PBX3: variants seen among roughly 807,000 people sequenced by gnomAD.
The protein encoded by PBX3 is PBX homeobox 3.
Under a neutral mutation model 48.5 loss-of-function variants are expected in PBX3, and 14 were observed. The observed-to-expected ratio is 0.29, with a 90% CI of 0.19 to 0.45. PBX3 has a LOEUF of 0.45. PBX3 is among the 20% of genes least tolerant of loss of function. PBX3 has a pLI of 1.00. For synonymous variants in PBX3, 210 were observed against 200.3 expected, an observed-to-expected ratio of 1.05 and a Z score of -0.41; for missense variants, 386 against 546.7, an observed-to-expected ratio of 0.71 and a Z score of 2.93.
intron 2 of PBX3, among the ~76,000 whole-genome samples, chr9:125,815,987 C>A (rs944204465): frequency 6.6e-6 from 1 of 151,524 alleles, no homozygotes; most frequent in Non-Finnish European, 1.5e-5. Flanking sequence ...TTTCTCTCTG[C>A]CTCCCTCCGT....
At chr9:125,830,357 T>C (rs2132188382) in intron 2 of PBX3, among the ~76,000 whole-genome samples, 1 of 152,274 alleles carries the variant, frequency 6.6e-6, no homozygotes, top group South Asian at 2.1e-4. Flanking sequence ...TAGCACTGTG[T>C]CAGTTAAATT....
At chr9:125,940,675 A>G (rs1841941838) in intron 5 of PBX3, among the ~76,000 whole-genome samples, 1 of 152,252 alleles carries the variant, frequency 6.6e-6, no homozygotes, top group Admixed American at 6.5e-5. Context: ...ATGAGAATGA[A>G]TGAACTATAA....
intron 2 of PBX3, among the ~76,000 whole-genome samples, chr9:125,878,274 G>A (rs538338789): frequency 6.6e-6 from 1 of 152,196 alleles, no homozygotes; most frequent in Non-Finnish European, 1.5e-5. Flanking sequence ...AGCTTGGAGG[G>A]GGGTAAGAGG....
intron 2 of PBX3, among the ~76,000 whole-genome samples, chr9:125,909,789 T>TCCTGC: frequency 6.6e-6 from 1 of 152,238 alleles, no homozygotes; most frequent in Admixed American, 6.5e-5. Context: ...AATAACTCGG[T>TCCTGC]CCTGCCCAGG....
Position 125,849,410 on chromosome 9 carries a change from CAGA to C in PBX3, c.275-66270_275-66268del, listed in dbSNP as rs1839517016. On this transcript the variant is annotated intron_variant, in intron 2 of 8. Transcript: ENST00000373489. ...ATAATGTAGGAGTCAGTTTGTTAGGCAGAAGAAGGTCATGTTAATGTTCCAAAG... is the reference window on the plus strand; with the variant it reads ...ATAATGTAGGAGTCAGTTTGTTAGGCAGAAGGTCATGTTAATGTTCCAAAG... 2.0e-5 allele frequency among the ~76,000 whole-genome samples: 3 copies of C among 151,308 alleles called. No individual in the cohort carries two copies. In the South Asian group the frequency reaches 6.3e-4, roughly 32 times the overall value.
At chr9:125,892,271 T>G (rs1291935560) in intron 2 of PBX3, among the ~76,000 whole-genome samples, 1 of 152,280 alleles carries the variant, frequency 6.6e-6, no homozygotes, top group Non-Finnish European at 1.5e-5. Context: ...GGCTCAACTT[T>G]TTTTCTACCC....
At chr9:125,912,775 A>G (rs1006553549) in intron 2 of PBX3, among the ~76,000 whole-genome samples, 2 of 152,160 alleles carry the variant, frequency 1.3e-5, no homozygotes, top group African/African-American at 4.8e-5. Context: ...TTGTTTTACC[A>G]TGTTTCAATT....
In PBX3 at chr9:125,747,416, G is replaced by C; in HGVS notation, c.-38G>C. ...CGCCGCCGCCGCCGCCTCAGCCTTC[G>C]CCTCAGCCGCCGCCCGCTCCCGCCC... On this transcript the variant is annotated 5_prime_UTR_variant, in exon 1 of 9. Coordinates refer to ENST00000373489, the MANE Select transcript of PBX3 (RefSeq NM_006195.6). 1 of 1,290,600 alleles carries C rather than the reference G, an allele frequency of 7.7e-7. No homozygotes were observed. The highest frequency in any genetic ancestry group is 3.6e-5 in the East Asian group (1 of 28,014). 79.9% of individuals were successfully genotyped at this position (1,290,600 alleles called of 1,614,324 possible). A position where few individuals can be genotyped will look rare whatever the true frequency, so the allele number is the denominator to read the frequency against.
chr9:125,854,477 C>A (rs1325628946), intron 2 of PBX3, among the ~76,000 whole-genome samples: 2 of 152,092 alleles, frequency 1.3e-5, no homozygotes, highest in African/African-American at 2.4e-5. Flanking sequence ...CTATTGGACA[C>A]CCCCTGCTTC....
At chr9:125,851,241 G>T (rs1436145029) in intron 2 of PBX3, among the ~76,000 whole-genome samples, 1 of 152,042 alleles carries the variant, frequency 6.6e-6, no homozygotes, top group Non-Finnish European at 1.5e-5. Flanking sequence ...ACAAAGGTTT[G>T]CATCTTAAAG....
At chr9:125,791,017 A>C (rs1053852739) in intron 2 of PBX3, among the ~76,000 whole-genome samples, 7 of 151,096 alleles carry the variant, frequency 4.6e-5, no homozygotes, top group African/African-American at 1.5e-4. Context: ...GGGTTCAAGC[A>C]GTTCTCCCTG....
In PBX3 at chr9:125,747,545, C is replaced by G; in HGVS notation, c.92C>G (p.Pro31Arg). The G allele has an allele frequency of 6.2e-7, 1 of 1,605,840 alleles. No individual in the cohort carries two copies. Among genetic ancestry groups the G allele is most frequent in the Non-Finnish European group, 8.5e-7 (1 of 1,176,376 alleles). The change falls in exon 1 of 9, where the codon CCG becomes CGG. Residue 31 changes from proline to arginine, a missense_variant. Physicochemically the swap from Pro to Arg is moderately radical, Grantham distance 103 (BLOSUM62 -2). This residue lies in a region of PBX3 where 116 missense variants were observed against 98.2 expected (regional missense o/e 1.18). Coordinates refer to ENST00000373489, the MANE Select transcript of PBX3 (RefSeq NM_006195.6). ...GGGGGCATGGCCCTGCCGCCTCCCC[C>G]GCACGGCCACGAAGGGGCGGACGGC... ...VQGGMALPPP[P>R]HGHEGADGDG...
At chr9:125,881,614 A>G (rs1250580522) in intron 2 of PBX3, among the ~76,000 whole-genome samples, 4 of 151,682 alleles carry the variant, frequency 2.6e-5, no homozygotes, top group Non-Finnish European at 5.9e-5. Context: ...TTTTATTATT[A>G]TTATTTTTAA....
chr9:125,781,353 A>G (rs1465021444), intron 2 of PBX3, among the ~76,000 whole-genome samples: 2 of 151,822 alleles, frequency 1.3e-5, no homozygotes, highest in Non-Finnish European at 2.9e-5. Flanking sequence ...CCCCGTCTCC[A>G]CCAAAAAAGT....
chr9:125,939,888 A>G (rs982922317), intron 5 of PBX3, among the ~76,000 whole-genome samples: 2 of 152,244 alleles, frequency 1.3e-5, no homozygotes, highest in South Asian at 2.1e-4. Context: ...GTGGTTAAAC[A>G]TAAAGGAAAG....
chr9:125,963,043 C>T lies in PBX3; in HGVS notation c.1154C>T (p.Thr385Met), dbSNP rs143568685. 115 of 1,608,840 alleles carry T rather than the reference C, an allele frequency of 7.1e-5. No individual in the cohort carries two copies. Among genetic ancestry groups the T allele is most frequent in the Non-Finnish European group, 8.8e-5 (103 of 1,176,042 alleles). The stretch of plus-strand genomic sequence containing the variant: ...ACCCTCCGTCATGTTATCAATCAGA[C>T]GGGAGGCTACAGTGATGGCCTTGGA... ...VDTLRHVINQ[T>M]GGYSDGLGGN... Residue 385 changes from threonine (T) to methionine (M), a missense_variant, in exon 8 of 9, where the codon ACG (threonine) becomes ATG (methionine). Thr to Met is a moderately conservative substitution (Grantham distance 81). Around this residue, in one of 4 missense-constraint regions of PBX3, gnomAD observed 127 missense variants for 143.3 expected, o/e 0.89. Coordinates refer to ENST00000373489, the MANE Select transcript of PBX3 (RefSeq NM_006195.6).
chr9:125,782,441 C>T (rs745971133), intron 2 of PBX3, among the ~76,000 whole-genome samples: 1 of 152,160 alleles, frequency 6.6e-6, no homozygotes, highest in Non-Finnish European at 1.5e-5. Flanking sequence ...TTCAATAGCA[C>T]ATAAAAACTC....
At chr9:125,800,803 G>C (rs1321285080) in intron 2 of PBX3, among the ~76,000 whole-genome samples, 1 of 149,398 alleles carries the variant, frequency 6.7e-6, no homozygotes, top group Non-Finnish European at 1.5e-5. Flanking sequence ...GCCCGAGCTG[G>C]AGTGCAATGG....
chr9:125,848,325 C>T (rs1489957102), intron 2 of PBX3, among the ~76,000 whole-genome samples: 1 of 151,938 alleles, frequency 6.6e-6, no homozygotes, highest in Non-Finnish European at 1.5e-5. Flanking sequence ...TCTTGTTCTA[C>T]ATTATTTTTA....
Sources: gnomAD v4.1 joint callset for allele counts (sites outside exome capture counted in the v4.1 genomes callset) on GRCh38, gnomAD v4.1.1 for gene constraint, gnomAD v4.1.1 regional missense constraint, MANE v1.5 for transcripts, NCBI Gene and HGNC (gene_info 2026-07-23, HGNC 2026-07-21) for gene names.